DGKB: variants seen among roughly 807,000 people sequenced by gnomAD.
DGKB encodes the protein 90 kDa diacylglycerol kinase.
In DGKB, 67 loss-of-function variants were observed where a neutral mutation model predicts 114.3. That is an observed-to-expected ratio of 0.59 (90% CI 0.48 to 0.72). DGKB has a LOEUF of 0.72. Ranked by LOEUF, DGKB falls within the 30% of genes least tolerant of loss-of-function variation. DGKB has a pLI of 0.00. For synonymous variants in DGKB, 398 were observed against 323.1 expected, an observed-to-expected ratio of 1.23 and a Z score of -2.49; for missense variants, 907 against 975.2, an observed-to-expected ratio of 0.93 and a Z score of 0.93.
intron 17 of DGKB, among the ~76,000 whole-genome samples, chr7:14,606,907 T>G (rs1018604727): frequency 6.6e-6 from 1 of 152,092 alleles, no homozygotes; most frequent in Non-Finnish European, 1.5e-5. Flanking sequence ...AACCCATTTA[T>G]GCTGGAGGTT....
intron 20 of DGKB, among the ~76,000 whole-genome samples, chr7:14,518,544 G>C (rs931715790): frequency 9.2e-5 from 14 of 151,808 alleles, no homozygotes; most frequent in Non-Finnish European, 1.3e-4. Context: ...TTAAAACTTT[G>C]TGTGTAATAT....
At chr7:14,414,653 T>C (rs1825425660) in intron 21 of DGKB, among the ~76,000 whole-genome samples, 1 of 152,120 alleles carries the variant, frequency 6.6e-6, no homozygotes, top group Non-Finnish European at 1.5e-5. Context: ...AAGAAAAAAA[T>C]ATATACATTG....
intron 23 of DGKB, among the ~76,000 whole-genome samples, chr7:14,303,356 G>T (rs1328673026): frequency 6.6e-6 from 1 of 152,032 alleles, no homozygotes; most frequent in Non-Finnish European, 1.5e-5. Flanking sequence ...TAGTTTTTAA[G>T]AAAGAATGTT....
chr7:14,608,984 T>C (rs549620912), intron 16 of DGKB, among the ~76,000 whole-genome samples: 3 of 152,184 alleles, frequency 2.0e-5, no homozygotes, highest in African/African-American at 7.2e-5. Flanking sequence ...ATGGCTATTC[T>C]GCCCAAAGCA....
chr7:14,428,633 T>C (rs1827954819), intron 21 of DGKB, among the ~76,000 whole-genome samples: 1 of 152,152 alleles, frequency 6.6e-6, no homozygotes, highest in Admixed American at 6.6e-5. Flanking sequence ...ATGAAGTGAG[T>C]ACAACAAAAA....
At chr7:14,450,015 A>G (rs188200912) in intron 21 of DGKB, among the ~76,000 whole-genome samples, 154 of 152,164 alleles carry the variant, frequency 1.0e-3, no homozygotes, top group Non-Finnish European at 1.8e-3. Flanking sequence ...TTCATTATGT[A>G]TTACTTGCTA....
chr7:14,374,676 T>C (rs1480811663), intron 21 of DGKB, among the ~76,000 whole-genome samples: 2 of 152,216 alleles, frequency 1.3e-5, no homozygotes, highest in Non-Finnish European at 1.5e-5. Flanking sequence ...ATGAGTCTCC[T>C]GTTTCTCTTA....
At chr7:14,677,761 C>T (rs765880449) in intron 12 of DGKB, among the ~76,000 whole-genome samples, 1 of 151,980 alleles carries the variant, frequency 6.6e-6, no homozygotes, top group Non-Finnish European at 1.5e-5. Context: ...GAAAAGAGAA[C>T]TGAGGTGAAT....
chr7:14,468,304 AGGGTC>A (rs1780779097), intron 21 of DGKB, among the ~76,000 whole-genome samples: 2 of 152,044 alleles, frequency 1.3e-5, no homozygotes, highest in African/African-American at 4.8e-5. Context: ...ATTAGTTTAG[AGGGTC>A]TCTTCTGTCT....
At chr7:14,918,987 C>T (rs1252403501) in intron 1 of DGKB, among the ~76,000 whole-genome samples, 1 of 151,266 alleles carries the variant, frequency 6.6e-6, no homozygotes, top group Non-Finnish European at 1.5e-5. Context: ...CGTTTGAACC[C>T]AGGAGGCGGA....
chr7:14,149,120 A>G lies in DGKB; in HGVS notation c.*11T>C. ...TGCTAATTCAATTTCTAAGAGTGAA[A>G]CAACACAGGATTATTCCTTGCTTCG... On this transcript the variant is annotated 3_prime_UTR_variant, in exon 26 of 26. Coordinates refer to ENST00000402815, the MANE Select transcript of DGKB (RefSeq NM_001350709.2). 1 of 1,609,752 alleles carries G rather than the reference A, an allele frequency of 6.2e-7. No individual in the cohort carries two copies. Among genetic ancestry groups the G allele is most frequent in the Non-Finnish European group, 8.5e-7 (1 of 1,176,174 alleles).
At chr7:14,691,056 G>A (rs947921434) in intron 9 of DGKB, among the ~76,000 whole-genome samples, 1 of 152,072 alleles carries the variant, frequency 6.6e-6, no homozygotes, top group Admixed American at 6.5e-5. Flanking sequence ...ATAGAATCTG[G>A]TCCCCATCAA....
chr7:14,856,300 T>C (rs564994536), intron 1 of DGKB, among the ~76,000 whole-genome samples: 31 of 152,132 alleles, frequency 2.0e-4, no homozygotes, highest in Non-Finnish European at 4.0e-4. Context: ...AACTATCCTT[T>C]GAAATAAGAT....
chr7:14,612,870 A>T (rs1384128248), intron 16 of DGKB, among the ~76,000 whole-genome samples: 2 of 152,168 alleles, frequency 1.3e-5, no homozygotes, highest in Non-Finnish European at 2.9e-5. Context: ...GCTCATTATT[A>T]TTCAGATTAA....
In DGKB at chr7:14,754,437, T is replaced by G. The variant is rs186906886; in HGVS notation, c.148-489A>C. ...ATATGTATTTCCCATTCCTAAGATA[T>G]CCTTCTATTAGCGTCACGCCTAGCA... On this transcript the variant is annotated intron_variant, in intron 3 of 25. Coordinates refer to ENST00000402815, the MANE Select transcript of DGKB (RefSeq NM_001350709.2). Among the ~76,000 whole-genome samples the G allele has an allele frequency of 7.2e-5, 11 of 152,280 alleles. No individual in the cohort carries two copies. The East Asian group carries it at 2.1e-3, about 29-fold the overall frequency.
chr7:14,962,520 G>T (rs886876898), intron 1 of DGKB, among the ~76,000 whole-genome samples: 7 of 151,862 alleles, frequency 4.6e-5, no homozygotes, highest in African/African-American at 1.5e-4. Flanking sequence ...GTCAAATTTT[G>T]TCTCTTTCTT....
chr7:14,605,761 C>T (rs1340859454), intron 17 of DGKB, among the ~76,000 whole-genome samples: 2 of 151,998 alleles, frequency 1.3e-5, no homozygotes, highest in Non-Finnish European at 2.9e-5. Flanking sequence ...TGCTACAAAA[C>T]AGTCATGTTT....
At chr7:14,810,690 C>T (rs1843320872) in intron 2 of DGKB, among the ~76,000 whole-genome samples, 1 of 151,968 alleles carries the variant, frequency 6.6e-6, no homozygotes, top group Non-Finnish European at 1.5e-5. Context: ...CTCACTACAG[C>T]CTCCATTTCC....
At chr7:14,456,097 ACT>A (rs1832249558) in intron 21 of DGKB, among the ~76,000 whole-genome samples, 1 of 151,630 alleles carries the variant, frequency 6.6e-6, no homozygotes. Flanking sequence ...CTTAACTCAA[ACT>A]CTGTTCCATG....
Sources: gnomAD v4.1 joint callset for allele counts (sites outside exome capture counted in the v4.1 genomes callset) on GRCh38, gnomAD v4.1.1 for gene constraint, MANE v1.5 for transcripts, NCBI Gene and HGNC (gene_info 2026-07-23, HGNC 2026-07-21) for gene names.